The following PKHD1L1 variants were observed in gnomAD, a reference collection of about 807,000 sequenced individuals.
PKHD1L1 encodes PKHD1 like 1.
In PKHD1L1, 434 loss-of-function variants were observed where a neutral mutation model predicts 462.9. The ratio of observed to expected loss-of-function variants is 0.94; its 90% CI spans 0.87 to 1.02. PKHD1L1 has a LOEUF of 1.02. PKHD1L1 is among the 50% of genes least tolerant of loss of function. The pLI is 0.00. For synonymous variants in PKHD1L1, 1,781 were observed against 1,750.0 expected, an observed-to-expected ratio of 1.02 and a Z score of -0.44; for missense variants, 5,202 against 5,096.1, an observed-to-expected ratio of 1.02 and a Z score of -0.63.
intron 19 of PKHD1L1, 94 bp downstream of exon 19, chr8:109,410,072 A>C: frequency 1.2e-5 from 8 of 694,470 alleles, no homozygotes; most frequent in Admixed American, 4.0e-5. Flanking sequence ...TAGCATTAAT[A>C]ACTTTGTTAT....
At chr8:109,402,962 A>G (rs1019868567) in intron 14 of PKHD1L1, among the ~76,000 whole-genome samples, 1 of 152,126 alleles carries the variant, frequency 6.6e-6, no homozygotes, top group Admixed American at 6.6e-5. Context: ...TTCTTCTATA[A>G]CCATGAAAAC....
At chr8:109,427,931 C>T (rs1467193242) in intron 25 of PKHD1L1, among the ~76,000 whole-genome samples, 1 of 146,814 alleles carries the variant, frequency 6.8e-6, no homozygotes, top group Non-Finnish European at 1.5e-5. Flanking sequence ...GCAGGAGAAT[C>T]GCTTGAACCT....
intron 27 of PKHD1L1, among the ~76,000 whole-genome samples, chr8:109,432,898 T>C (rs1207278287): frequency 6.6e-6 from 1 of 152,192 alleles, no homozygotes; most frequent in African/African-American, 2.4e-5. Context: ...ATTCAAAATA[T>C]GAAAAGATAT....
chr8:109,421,521 G>A (rs1232837538), intron 23 of PKHD1L1, among the ~76,000 whole-genome samples: 1 of 152,122 alleles, frequency 6.6e-6, no homozygotes, highest in Non-Finnish European at 1.5e-5. Context: ...GGTGGCTCAC[G>A]CCTATAATAC....
At chr8:109,414,996 TTATTATTATTATTA>T (rs1814067617) in intron 21 of PKHD1L1, among the ~76,000 whole-genome samples, 1 of 144,638 alleles carries the variant, frequency 6.9e-6, no homozygotes, top group African/African-American at 2.7e-5. Flanking sequence ...ATTATTATTA[TTATTATTATTATTA>T]TTTTTGAGAC....
At chr8:109,528,583 T>G (rs1820930963) in intron 77 of PKHD1L1, among the ~76,000 whole-genome samples, 1 of 152,208 alleles carries the variant, frequency 6.6e-6, no homozygotes, top group Non-Finnish European at 1.5e-5. Flanking sequence ...CACAGCATCC[T>G]TCTAGGTCTT....
intron 21 of PKHD1L1, among the ~76,000 whole-genome samples, chr8:109,418,360 G>A (rs1003887989): frequency 2.6e-5 from 4 of 152,066 alleles, no homozygotes; most frequent in Admixed American, 6.5e-5. Context: ...TATGAACCCT[G>A]AAGAAAATGG....
At chr8:109,368,144 G>C (rs1811322171) in intron 2 of PKHD1L1, among the ~76,000 whole-genome samples, 1 of 152,068 alleles carries the variant, frequency 6.6e-6, no homozygotes, top group Non-Finnish European at 1.5e-5. Flanking sequence ...TGTTTTCTTT[G>C]ATATTTATCA....
rs1818616514 is a variant in PKHD1L1, at chr8:109,487,880, GA to G, written c.9880+1060del. 2.9e-4 allele frequency among the ~76,000 whole-genome samples: 41 copies of G among 141,654 alleles called. 1 individual carries two copies. In the South Asian group the frequency reaches 9.6e-3, roughly 33 times the overall value. The allele number at this position is 141,654 out of a possible 152,430, so 92.9% of individuals were successfully genotyped here. A position where few individuals can be genotyped will look rare whatever the true frequency, so the allele number is the denominator to read the frequency against. On this transcript the variant is annotated intron_variant, in intron 59 of 77. Transcript: ENST00000378402. ...AAAGAGAGAAAGACAGAGAGAAAGAGAGAGAGAGAGAGGAAGGAAGGAAGGA... is the reference window on the plus strand; with the variant it reads ...AAAGAGAGAAAGACAGAGAGAAAGAGGAGAGAGAGAGGAAGGAAGGAAGGA...
intron 68 of PKHD1L1, among the ~76,000 whole-genome samples, chr8:109,504,833 G>A (rs973211335): frequency 6.6e-6 from 1 of 152,064 alleles, no homozygotes; most frequent in East Asian, 1.9e-4. Flanking sequence ...TGTGCCTGTA[G>A]TTCTAGCTAC....
At chr8:109,518,785 C>G (rs183398314) in intron 73 of PKHD1L1, among the ~76,000 whole-genome samples, 29 of 152,226 alleles carry the variant, frequency 1.9e-4, no homozygotes, top group Admixed American at 1.5e-3. Flanking sequence ...GGAAGACCTA[C>G]TTAAGCAAGT....
chr8:109,367,822 G>C (rs1231380533), intron 2 of PKHD1L1, among the ~76,000 whole-genome samples: 1 of 152,228 alleles, frequency 6.6e-6, no homozygotes, highest in Non-Finnish European at 1.5e-5. Flanking sequence ...AGGATTCCTT[G>C]AGGCCAGGAG....
chr8:109,459,693 G>T lies in PKHD1L1; in HGVS notation c.7103G>T (p.Gly2368Val). 1 of 1,611,636 alleles carries T rather than the reference G, an allele frequency of 6.2e-7. No homozygotes were observed. Among genetic ancestry groups the T allele is most frequent in the South Asian group, 1.1e-5 (1 of 90,738 alleles). Residue 2368 changes from glycine to valine, a missense_variant, in exon 47 of 78, where the codon GGA becomes GTA. By Grantham distance (109) the Gly-to-Val change is moderately radical (BLOSUM62 -3). Around this residue, in one of 3 missense-constraint regions of PKHD1L1, gnomAD observed 4,497 missense variants for 4,336.8 expected, o/e 1.04. Transcript: ENST00000378402. ...AACCCACTAAATTACACACACTTAG[G>T]AATTACGGTCACACTCCCTGATGGA... ...LSNPLNYTHL[G>V]ITVTLPDGTL...
At position 109,479,541 on chromosome 8, in the gene PKHD1L1, C is replaced by T. The variant is rs1421684618; in HGVS notation, c.9090-10C>T. 6.9e-6 allele frequency: 10 copies of T among 1,458,420 alleles called. No individual in the cohort carries two copies. The highest frequency in any genetic ancestry group is 9.5e-6 in the Non-Finnish European group (10 of 1,057,384). The allele number at this position is 1,458,420 out of a possible 1,614,324, so 90.3% of individuals were successfully genotyped here. A position where few individuals can be genotyped will look rare whatever the true frequency, so the allele number is the denominator to read the frequency against. On this transcript the variant is annotated splice_polypyrimidine_tract_variant and intron_variant, in intron 53 of 77. Transcript: ENST00000378402. Reference sequence around the variant, plus strand: ...AGTAATTCATGGAAGTATTTCTCTTCTCTTTTCAGTTTATGGTCAAATGAT... The same window carrying T: ...AGTAATTCATGGAAGTATTTCTCTTTTCTTTTCAGTTTATGGTCAAATGAT...
chr8:109,375,611 T>C (rs984521165), intron 2 of PKHD1L1, among the ~76,000 whole-genome samples: 14 of 152,152 alleles, frequency 9.2e-5, no homozygotes, highest in African/African-American at 3.1e-4. Flanking sequence ...TCTGCTCTGT[T>C]TTTTCCCCAT....
chr8:109,462,996 T>C (rs1817224801), intron 48 of PKHD1L1, among the ~76,000 whole-genome samples: 1 of 152,146 alleles, frequency 6.6e-6, no homozygotes, highest in African/African-American at 2.4e-5. Context: ...TCCTGTTTAC[T>C]TTATTTATAC....
intron 75 of PKHD1L1, 34 bp from the exon 76 acceptor site, chr8:109,523,199 T>C: frequency 6.6e-7 from 1 of 1,526,550 alleles, no homozygotes; most frequent in Non-Finnish European, 8.9e-7. Context: ...AACAGGACAA[T>C]TGTTATAATT....
chr8:109,494,878 C>A (rs1309651951), intron 63 of PKHD1L1, among the ~76,000 whole-genome samples: 1 of 151,744 alleles, frequency 6.6e-6, no homozygotes, highest in Middle Eastern at 3.3e-3. Flanking sequence ...AATAAATCTG[C>A]AGACTTTACC....
In PKHD1L1 at chr8:109,412,396, A is replaced by G. The variant is rs1563749450; in HGVS notation, c.2217A>G (p.Leu739=). Residue 739 remains leucine, a synonymous_variant, in exon 20 of 78, where the codon TTA becomes TTG. Transcript: ENST00000378402. ...KPNRRPYGDI[L]LFPYNQLCLA... ...ACAGACGACCATATGGAGATATTTT[A>G]TTGTTTCCTTATAATCAGGTAAGCT... 6 of 1,612,340 alleles carry G rather than the reference A, an allele frequency of 3.7e-6. No homozygotes were observed. Among genetic ancestry groups the G allele is most frequent in the Non-Finnish European group, 5.1e-6 (6 of 1,179,130 alleles).
Sources: gnomAD v4.1 joint callset for allele counts (sites outside exome capture counted in the v4.1 genomes callset) on GRCh38, gnomAD v4.1.1 for gene constraint, gnomAD v4.1.1 regional missense constraint, MANE v1.5 for transcripts, NCBI Gene and HGNC (gene_info 2026-07-23, HGNC 2026-07-21) for gene names.